The following CWC27 variants were observed in gnomAD, a reference collection of about 807,000 sequenced individuals.
The protein encoded by CWC27 is spliceosome-associated protein CWC27 homolog.
A neutral mutation model predicts 63.6 loss-of-function variants in CWC27; 47 were observed. The ratio of observed to expected loss-of-function variants is 0.74; its 90% CI spans 0.58 to 0.94. The LOEUF is 0.94. Among genes scored for constraint, CWC27 ranks in the 40% least tolerant of loss-of-function variants. The pLI is 0.00. For missense variants in CWC27, 495 were observed against 554.3 expected, an observed-to-expected ratio of 0.89 and a Z score of 1.07; for synonymous variants, 175 against 179.8, an observed-to-expected ratio of 0.97 and a Z score of 0.22.
rs1743799535 is a variant in CWC27 at position 64,784,121 on chromosome 5, A to G, written c.396+142A>G. 4 of 734,380 alleles carry G rather than the reference A, an allele frequency of 5.4e-6. No individual in the cohort carries two copies. In the South Asian group the frequency reaches 1.1e-4, roughly 21 times the overall value. 45.5% of individuals were successfully genotyped at this position (734,380 alleles called of 1,614,324 possible). Reference sequence around the variant, plus strand: ...TAGGATATGTTTATTATTTTCAAAAATGATGGAATATATTCCTAATATAGT... The same window carrying G: ...TAGGATATGTTTATTATTTTCAAAAGTGATGGAATATATTCCTAATATAGT... On this transcript the variant is annotated intron_variant, in intron 4 of 13. Transcript: ENST00000381070.
At chr5:64,938,441 C>A (rs1748405037) in intron 11 of CWC27, among the ~76,000 whole-genome samples, 1 of 152,214 alleles carries the variant, frequency 6.6e-6, no homozygotes, top group South Asian at 2.1e-4. Flanking sequence ...CCCCCACTCT[C>A]TTCTGGCTTG....
At chr5:64,975,814 CA>C (rs1156233947) in intron 12 of CWC27, among the ~76,000 whole-genome samples, 2 of 152,148 alleles carry the variant, frequency 1.3e-5, no homozygotes, top group Non-Finnish European at 2.9e-5. Flanking sequence ...CCTGTAATCC[CA>C]ACACTTTGGG....
intron 10 of CWC27, among the ~76,000 whole-genome samples, chr5:64,860,096 C>T (rs1359953235): frequency 2.0e-5 from 3 of 152,188 alleles, no homozygotes; most frequent in African/African-American, 7.2e-5. Context: ...AGTGCCAGAG[C>T]CAAAATTCCA....
chr5:64,828,491 AAT>A (rs1243457687), intron 10 of CWC27, among the ~76,000 whole-genome samples: 1 of 151,850 alleles, frequency 6.6e-6, no homozygotes, highest in African/African-American at 2.4e-5. Context: ...TGGCAGATTT[AAT>A]GTCTAGTGAG....
chr5:64,859,853 T>G (rs1168855034), intron 10 of CWC27, among the ~76,000 whole-genome samples: 1 of 152,194 alleles, frequency 6.6e-6, no homozygotes, highest in Non-Finnish European at 1.5e-5. Flanking sequence ...TTTTCATTCT[T>G]AGACCATTTC....
At chr5:64,996,613 G>T (rs926929525) in intron 13 of CWC27, among the ~76,000 whole-genome samples, 4 of 152,122 alleles carry the variant, frequency 2.6e-5, no homozygotes, top group Non-Finnish European at 4.4e-5. Context: ...GCACAGAAAG[G>T]TTAAGTAATT....
At chr5:65,004,935 C>CACCG (rs1749815160) in intron 13 of CWC27, among the ~76,000 whole-genome samples, 7 of 130,222 alleles carry the variant, frequency 5.4e-5, no homozygotes, top group Admixed American at 8.0e-5. Flanking sequence ...CACACACACA[C>CACCG]TGTTGGTTGG....
At chr5:64,949,566 C>A (rs1748665203) in intron 11 of CWC27, among the ~76,000 whole-genome samples, 1 of 152,008 alleles carries the variant, frequency 6.6e-6, no homozygotes, top group South Asian at 2.1e-4. Context: ...TCATAAAGTT[C>A]TTTAATGGCA....
Position 64,919,330 on chromosome 5 carries a change from A to C in CWC27, c.1042+33784A>C, listed in dbSNP as rs148029249. Among the ~76,000 whole-genome samples, 221 of 152,294 alleles carry C rather than the reference A, an allele frequency of 1.5e-3. 1 individual carries two copies. Among genetic ancestry groups the C allele is most frequent in the African/African-American group, 4.9e-3 (203 of 41,568 alleles). Reference sequence around the variant, plus strand: ...CATAGTGTTTACTTCTTAACTTTGTACTTGTGTATTACTGAAATTTTTTTC... The same window carrying C: ...CATAGTGTTTACTTCTTAACTTTGTCCTTGTGTATTACTGAAATTTTTTTC... On this transcript the variant is annotated intron_variant, in intron 11 of 13. Transcript: ENST00000381070.
intron 10 of CWC27, among the ~76,000 whole-genome samples, chr5:64,837,296 A>G (rs1384824456): frequency 4.6e-5 from 7 of 152,096 alleles, no homozygotes; most frequent in African/African-American, 1.7e-4. Context: ...CATTCTTGTA[A>G]TCTTTATCAT....
intron 13 of CWC27, among the ~76,000 whole-genome samples, chr5:64,983,325 C>G (rs1427394060): frequency 6.6e-6 from 1 of 152,152 alleles, no homozygotes. Flanking sequence ...AGGAGCATAT[C>G]TGCTTTACTC....
At chr5:64,945,921 T>C (rs575835441) in intron 11 of CWC27, among the ~76,000 whole-genome samples, 190 of 152,308 alleles carry the variant, frequency 1.2e-3, no homozygotes, top group African/African-American at 4.4e-3. Flanking sequence ...GTTTTTTCTA[T>C]ATCTTGAATC....
intron 7 of CWC27, among the ~76,000 whole-genome samples, chr5:64,794,491 T>G (rs1483381438): frequency 6.6e-6 from 1 of 152,082 alleles, no homozygotes; most frequent in Non-Finnish European, 1.5e-5. Context: ...GATTTTAACA[T>G]CCTCTGCATT....
Position 64,769,170 on chromosome 5 carries a change from G to A in CWC27, c.24G>A (p.Glu8=). 1.2e-6 allele frequency: 2 copies of A among 1,614,132 alleles called. No homozygotes were observed. Among genetic ancestry groups the A allele is most frequent in the Non-Finnish European group, 1.7e-6 (2 of 1,180,008 alleles). The change falls in exon 1 of 14, where the codon GAG becomes GAA. Residue 8 remains glutamate, a synonymous_variant. Coordinates refer to ENST00000381070, the MANE Select transcript of CWC27 (RefSeq NM_005869.4). MSNIYIQ[E]PPTNGKVLLK... is the part of the protein sequence containing the mutation. ...AGATGAGCAACATCTACATCCAGGA[G>A]CCTCCCACGAATGGGAAGGTGAGAG...
At chr5:64,849,804 C>G (rs1490361557) in intron 10 of CWC27, among the ~76,000 whole-genome samples, 1 of 152,126 alleles carries the variant, frequency 6.6e-6, no homozygotes, top group Non-Finnish European at 1.5e-5. Context: ...GCAGTTCTCT[C>G]TCTCTCTCTC....
At chr5:64,770,952 A>G (rs1024340335) in intron 1 of CWC27, among the ~76,000 whole-genome samples, 2 of 152,250 alleles carry the variant, frequency 1.3e-5, no homozygotes, top group African/African-American at 4.8e-5. Context: ...GCCAGGCTCT[A>G]TGCTAGGTTT....
chr5:64,789,519 AC>A (rs1465086069), intron 7 of CWC27, among the ~76,000 whole-genome samples: 1 of 152,140 alleles, frequency 6.6e-6, no homozygotes, highest in Middle Eastern at 3.2e-3. Context: ...AAGTAACATA[AC>A]CAATAAGTAG....
At chr5:64,893,993 G>A (rs564276608) in intron 11 of CWC27, among the ~76,000 whole-genome samples, 5 of 149,422 alleles carry the variant, frequency 3.3e-5, no homozygotes, top group South Asian at 2.1e-4. Context: ...GCAGTGGCAC[G>A]ATCTCCACTC....
At chr5:64,972,838 A>G (rs1749151313) in intron 12 of CWC27, 1 of 331,058 alleles carries the variant, frequency 3.0e-6, no homozygotes, top group Non-Finnish European at 6.0e-6. Context: ...CAGTCAACAC[A>G]TGAACACATC....
Sources: gnomAD v4.1 joint callset for allele counts (sites outside exome capture counted in the v4.1 genomes callset) on GRCh38, gnomAD v4.1.1 for gene constraint, MANE v1.5 for transcripts, NCBI Gene and HGNC (gene_info 2026-07-23, HGNC 2026-07-21) for gene names.